RAB2A: variants seen among roughly 807,000 people sequenced by gnomAD.
The protein encoded by RAB2A is ras-related protein Rab-2A.
RAB2A carries 7 observed loss-of-function variants against 32.5 expected under a neutral mutation model. The observed-to-expected ratio is 0.22, with a 90% CI of 0.12 to 0.40. RAB2A has a LOEUF of 0.40. Ranked by LOEUF, RAB2A falls within the 10% of genes least tolerant of loss-of-function variation. The pLI is 1.00. For synonymous variants in RAB2A, 79 were observed against 85.2 expected, an observed-to-expected ratio of 0.93 and a Z score of 0.40; for missense variants, 108 against 260.7, an observed-to-expected ratio of 0.41 and a Z score of 4.03.
chr8:60,580,140 G>A (rs1803718532), intron 3 of RAB2A, among the ~76,000 whole-genome samples: 1 of 151,782 alleles, frequency 6.6e-6, no homozygotes, highest in East Asian at 1.9e-4. Context: ...GAGATTACAG[G>A]TGTGCGCCAC....
At chr8:60,517,386 C>G in intron 1 of RAB2A, 133 bp downstream of exon 1, 1 of 879,736 alleles carries the variant, frequency 1.1e-6, no homozygotes, top group Non-Finnish European at 1.6e-6. Flanking sequence ...GCTCCATTTC[C>G]GCAGTGCTGG....
chr8:60,598,653 A>T (rs1241423642), intron 6 of RAB2A, among the ~76,000 whole-genome samples: 1 of 152,178 alleles, frequency 6.6e-6, no homozygotes, highest in Admixed American at 6.6e-5. Flanking sequence ...TTAATAGGGT[A>T]AAGAAGAGAA....
chr8:60,617,669 T>C (rs1461095213), intron 6 of RAB2A, among the ~76,000 whole-genome samples: 1 of 152,118 alleles, frequency 6.6e-6, no homozygotes, highest in Non-Finnish European at 1.5e-5. Flanking sequence ...TCACTTGAAC[T>C]GGGAGGCAGA....
chr8:60,539,035 T>G (rs191578523), intron 1 of RAB2A, among the ~76,000 whole-genome samples: 2 of 151,344 alleles, frequency 1.3e-5, no homozygotes, highest in East Asian at 1.9e-4. Context: ...AAATTGATAG[T>G]TTTTTTTTCT....
chr8:60,607,449 A>AAT (rs1308057181), intron 6 of RAB2A, among the ~76,000 whole-genome samples: 2 of 143,972 alleles, frequency 1.4e-5, no homozygotes, highest in African/African-American at 5.0e-5. Flanking sequence ...AAAAAAAAAA[A>AAT]GGTTTTTGTA....
At chr8:60,551,929 T>G (rs1356203817) in intron 1 of RAB2A, 1 of 145,674 alleles carries the variant, frequency 6.9e-6, no homozygotes, top group East Asian at 2.1e-4. Flanking sequence ...AGTGGCACGA[T>G]CTCGGCTCAC....
chr8:60,545,865 C>G (rs1807719578), intron 1 of RAB2A, among the ~76,000 whole-genome samples: 2 of 152,134 alleles, frequency 1.3e-5, no homozygotes, highest in Non-Finnish European at 2.9e-5. Context: ...TAAACAAATT[C>G]ATTATTCATT....
At chr8:60,530,830 C>T (rs909857929) in intron 1 of RAB2A, among the ~76,000 whole-genome samples, 4 of 151,882 alleles carry the variant, frequency 2.6e-5, no homozygotes, top group East Asian at 1.9e-4. Flanking sequence ...TGGGTTTAGA[C>T]GGGCACATGT....
At position 60,574,987 on chromosome 8, in the gene RAB2A, C is replaced by G. The variant is rs147921804; in HGVS notation, c.186+2874C>G. Reference sequence around the variant, plus strand: ...GAGCTCCCAGACCCAATGGCCTGTTCCAGATTTAAAGGACTGTTTAAAATA... The same window carrying G: ...GAGCTCCCAGACCCAATGGCCTGTTGCAGATTTAAAGGACTGTTTAAAATA... On this transcript the variant is annotated intron_variant, in intron 3 of 7. Coordinates refer to ENST00000262646, the MANE Select transcript of RAB2A (RefSeq NM_002865.3). Among the ~76,000 whole-genome samples the G allele has an allele frequency of 3.3e-5, 5 of 152,058 alleles. No homozygotes were observed. In the East Asian group the frequency reaches 9.7e-4, roughly 29 times the overall value.
At position 60,617,595 on chromosome 8, in the gene RAB2A, C is replaced by T. The variant is rs139336257; in HGVS notation, c.475-985C>T. ...ATTGATGCTTTTAAACTATACAATT[C>T]GTTAGCTGGGTGTGGCAGCACACAC... On this transcript the variant is annotated intron_variant, in intron 6 of 7. Coordinates refer to ENST00000262646, the MANE Select transcript of RAB2A (RefSeq NM_002865.3). Among the ~76,000 whole-genome samples, 243 of 152,058 alleles carry T rather than the reference C, an allele frequency of 1.6e-3. 1 individual carries two copies. The highest frequency in any genetic ancestry group is 5.6e-3 in the African/African-American group (231 of 41,488).
chr8:60,594,881 T>G (rs994235936), intron 6 of RAB2A, among the ~76,000 whole-genome samples: 1 of 152,190 alleles, frequency 6.6e-6, no homozygotes, highest in African/African-American at 2.4e-5. Context: ...CAGTCTACCA[T>G]TGATGGACAT....
chr8:60,565,199 G>A (rs1808085804), intron 2 of RAB2A, among the ~76,000 whole-genome samples: 1 of 152,080 alleles, frequency 6.6e-6, no homozygotes, highest in Non-Finnish European at 1.5e-5. Flanking sequence ...CAAGAGGATC[G>A]CTTGATGCCA....
rs1440371546 is a variant in RAB2A at position 60,526,017 on chromosome 8, GTA to G, written c.46+8765_46+8766del. Among the ~76,000 whole-genome samples, 571 of 74,206 alleles carry G rather than the reference GTA, an allele frequency of 7.7e-3. 11 individuals carry two copies. The highest frequency in any genetic ancestry group is 0.054 in the South Asian group (120 of 2,240). The allele number at this position is 74,206 out of a possible 152,430, so 48.7% of individuals were successfully genotyped here. On this transcript the variant is annotated intron_variant, in intron 1 of 7. Transcript: ENST00000262646. ...TGTCTATATGTATATATGTGTGTGT[GTA>G]CATATATATATATATATATATATAT...
chr8:60,567,144 T>A (rs1808127666), intron 2 of RAB2A, among the ~76,000 whole-genome samples: 2 of 147,944 alleles, frequency 1.4e-5, no homozygotes, highest in Admixed American at 6.8e-5. Context: ...TGAGACAGAG[T>A]CTCATTCAGT....
At chr8:60,574,958 T>A (rs1392539429) in intron 3 of RAB2A, among the ~76,000 whole-genome samples, 1 of 152,174 alleles carries the variant, frequency 6.6e-6, no homozygotes, top group African/African-American at 2.4e-5. Flanking sequence ...AGCTTCTACA[T>A]GGAGAGCTCC....
At chr8:60,597,049 GA>G (rs1330772012) in intron 6 of RAB2A, among the ~76,000 whole-genome samples, 6 of 152,156 alleles carry the variant, frequency 3.9e-5, no homozygotes, top group Non-Finnish European at 8.8e-5. Flanking sequence ...ATTCCTCAAG[GA>G]TCTAGAACCA....
At chr8:60,523,546 A>G (rs1807333441) in intron 1 of RAB2A, among the ~76,000 whole-genome samples, 1 of 152,052 alleles carries the variant, frequency 6.6e-6, no homozygotes, top group Non-Finnish European at 1.5e-5. Flanking sequence ...TTTTCTTCAT[A>G]GTTGTATCAC....
At chr8:60,550,504 C>G (rs1167460085) in intron 1 of RAB2A, among the ~76,000 whole-genome samples, 1 of 152,028 alleles carries the variant, frequency 6.6e-6, no homozygotes, top group Non-Finnish European at 1.5e-5. Context: ...CCCACCTCAG[C>G]CCCCATGTAA....
intron 1 of RAB2A, among the ~76,000 whole-genome samples, chr8:60,538,195 A>G (rs1157515263): frequency 2.0e-5 from 3 of 152,232 alleles, no homozygotes; most frequent in African/African-American, 7.2e-5. Context: ...TTTAAGATTT[A>G]AATCATATCT....
Sources: allele counts gnomAD v4.1 joint callset (sites outside exome capture counted in the v4.1 genomes callset), GRCh38; gene constraint gnomAD v4.1.1; transcripts MANE v1.5; gene names NCBI Gene and HGNC (gene_info 2026-07-23, HGNC 2026-07-21).